The following DPY19L2 variants were observed in gnomAD, a reference collection of about 807,000 sequenced individuals.
The protein encoded by DPY19L2 is dpy-19 like 2, also known as probable C-mannosyltransferase DPY19L2.
In DPY19L2, 34 loss-of-function variants were observed where a neutral mutation model predicts 97.9. The ratio of observed to expected loss-of-function variants is 0.35; its 90% confidence interval spans 0.26 to 0.46. The LOEUF is 0.46. Among genes scored for constraint, DPY19L2 ranks in the 20% least tolerant of loss-of-function variants. The pLI is 1.00. For missense variants in DPY19L2, 623 were observed against 911.4 expected (o/e 0.68, Z 4.07); for synonymous variants, 230 against 307.9 (o/e 0.75, Z 2.65).
chr12:63,562,095 T>C (rs1442181475), intron 21 of DPY19L2, among the ~76,000 whole-genome samples: 6 of 152,164 alleles, frequency 3.9e-5, no homozygotes, highest in Admixed American at 6.5e-5. Context: ...CAGATTTTTT[T>C]AGCAGATGTA....
chr12:63,656,725 A>G (rs1259539922), intron 4 of DPY19L2, among the ~76,000 whole-genome samples: 1 of 152,026 alleles, frequency 6.6e-6, no homozygotes, highest in East Asian at 1.9e-4. Context: ...TAGATGTTCT[A>G]TCATTTCCTT....
intron 12 of DPY19L2, among the ~76,000 whole-genome samples, chr12:63,607,199 C>T (rs757615118): frequency 1.1e-4 from 17 of 152,032 alleles, no homozygotes; most frequent in Non-Finnish European, 1.9e-4. Context: ...AGTTAATTTT[C>T]CTTTGAGTGC....
chr12:63,659,547 G>A (rs1294969718), intron 4 of DPY19L2, among the ~76,000 whole-genome samples: 1 of 151,368 alleles, frequency 6.6e-6, no homozygotes, highest in Non-Finnish European at 1.5e-5. Flanking sequence ...AAAGGAAAAA[G>A]GTAGAGAACT....
At chr12:63,583,710 C>G (rs923291969) in intron 17 of DPY19L2, 102 bp downstream of exon 17, 26 of 1,100,488 alleles carry the variant, frequency 2.4e-5, no homozygotes, top group Non-Finnish European at 3.5e-5. Context: ...CTGAACAACT[C>G]ACTACTGAAG....
At chr12:63,664,480 T>C (rs1896089835) in intron 2 of DPY19L2, among the ~76,000 whole-genome samples, 1 of 152,138 alleles carries the variant, frequency 6.6e-6, no homozygotes, top group African/African-American at 2.4e-5. Flanking sequence ...GTGATTCTAA[T>C]GTACTGGCCT....
At chr12:63,665,472 C>CAA (rs760781422) in intron 2 of DPY19L2, among the ~76,000 whole-genome samples, 15,379 of 94,340 alleles carry the variant, frequency 0.16, 938 homozygotes, top group East Asian at 0.34. Context: ...GACTCTGTCT[C>CAA]AAAAAAAAAA....
intron 19 of DPY19L2, among the ~76,000 whole-genome samples, chr12:63,579,881 G>A (rs1333843870): frequency 6.6e-6 from 1 of 152,042 alleles, no homozygotes; most frequent in African/African-American, 2.4e-5. Context: ...GAAATAAAAG[G>A]AAACAAGCTC....
Position 63,598,041 on chromosome 12 carries a change from T to C in DPY19L2, c.1360-131A>G, listed in dbSNP as rs7303872. 0.41 allele frequency: 249,259 copies of C among 600,976 alleles called. 52,145 individuals are homozygous for C. The highest frequency in any genetic ancestry group is 0.49 in the East Asian group (13,830 of 27,944). The allele number at this position is 600,976 out of a possible 1,614,324, so 37.2% of individuals were successfully genotyped here. Reference sequence around the variant, plus strand: ...AATCCAATATATTTAGACATCCCTCTAAGAAAACAAAAAACTACAGTGAAC... The same window carrying C: ...AATCCAATATATTTAGACATCCCTCCAAGAAAACAAAAAACTACAGTGAAC... On this transcript the variant is annotated intron_variant, in intron 13 of 21. Coordinates refer to ENST00000324472, the MANE Select transcript of DPY19L2 (RefSeq NM_173812.5).
At chr12:63,623,509 G>A (rs4044647) in intron 8 of DPY19L2, among the ~76,000 whole-genome samples, 59,766 of 150,828 alleles carry the variant, frequency 0.4, 11,859 homozygotes, top group South Asian at 0.46. Context: ...ATATACAAAC[G>A]CATACCTTTT....
At chr12:63,582,621 T>A in intron 17 of DPY19L2, 96 bp from the exon 18 acceptor site, 2 of 1,289,646 alleles carry the variant, frequency 1.6e-6, no homozygotes, top group Non-Finnish European at 2.1e-6. Context: ...AAGACAAGGA[T>A]CTTCTAACTT....
At chr12:63,628,238 G>A (rs1022122928) in intron 6 of DPY19L2, among the ~76,000 whole-genome samples, 3 of 152,130 alleles carry the variant, frequency 2.0e-5, no homozygotes, top group Non-Finnish European at 4.4e-5. Context: ...TGGGTGCAGC[G>A]CACCGAGCAT....
intron 16 of DPY19L2, among the ~76,000 whole-genome samples, chr12:63,589,644 A>T (rs981474798): frequency 2.0e-5 from 3 of 152,024 alleles, no homozygotes; most frequent in South Asian, 2.1e-4. Flanking sequence ...ATGAAAAAAA[A>T]TTTTCATGTT....
rs1403678548 is a variant in DPY19L2 at position 63,583,264 on chromosome 12, T to TAAA, written c.1605+545_1605+547dup. Among the ~76,000 whole-genome samples, 14 of 152,338 alleles carry TAAA rather than the reference T, an allele frequency of 9.2e-5. 1 individual carries two copies. The highest frequency in any genetic ancestry group is 2.6e-4 in the Admixed American group (4 of 15,302). ...GTTGACCTTTACCTCAAGACCCACT[T>TAAA]AAAGTTCTATCAAATAGGAAATATT... On this transcript the variant is annotated intron_variant, in intron 17 of 21. Transcript: ENST00000324472.
In DPY19L2 at chr12:63,569,710, A is replaced by G. The variant is rs575448057; in HGVS notation, c.2001-361T>C. Among the ~76,000 whole-genome samples, 6 of 152,288 alleles carry G rather than the reference A, an allele frequency of 3.9e-5. No homozygotes were observed. The East Asian group carries it at 9.6e-4, about 24-fold the overall frequency. On this transcript the variant is annotated intron_variant, in intron 20 of 21. Coordinates refer to ENST00000324472, the MANE Select transcript of DPY19L2 (RefSeq NM_173812.5). The stretch of plus-strand genomic sequence containing the variant: ...AATGTAGTGAAAAACACATCTTTCA[A>G]TGCTTAATTTCATCTAAAGAAGCTC...
At chr12:63,628,846 C>T (rs575034761) in intron 6 of DPY19L2, among the ~76,000 whole-genome samples, 24 of 151,082 alleles carry the variant, frequency 1.6e-4, no homozygotes, top group East Asian at 1.6e-3. Flanking sequence ...CTCACACAGC[C>T]GGGTACTCCT....
At chr12:63,663,935 C>CA in intron 2 of DPY19L2, 90 bp from the exon 3 acceptor site, 2 of 834,232 alleles carry the variant, frequency 2.4e-6, no homozygotes, top group Non-Finnish European at 3.7e-6. Context: ...AAAAAGAAAA[C>CA]AATAAATTGT....
chr12:63,581,479 C>CTTTTTT (rs71086686), intron 18 of DPY19L2, among the ~76,000 whole-genome samples: 7 of 91,830 alleles, frequency 7.6e-5, no homozygotes, highest in Admixed American at 1.5e-4. Context: ...CCAGGAAACT[C>CTTTTTT]TTTTTTTTTT....
chr12:63,597,897 T>C lies in DPY19L2; in HGVS notation c.1373A>G (p.Asp458Gly). ...LGVSDHIRLS[D>G]LIAARILRYT... is the part of the protein sequence containing the mutation. ...CCTTAAGATTCTGGCTGCTATAAGA[T>C]CACTCAGGCGAATCTGGGAGAAAAT... Residue 458 changes from aspartate (D) to glycine (G), a missense_variant, in exon 14 of 22, where the codon GAT becomes GGT. By Grantham distance (94) the Asp-to-Gly change is moderately conservative. Around this residue, in one of 6 missense-constraint regions of DPY19L2, gnomAD observed 294 missense variants for 446.2 expected, o/e 0.66. Transcript: ENST00000324472. 1 of 1,600,020 alleles carries C rather than the reference T, an allele frequency of 6.2e-7. No individual in the cohort carries two copies. Among genetic ancestry groups the C allele is most frequent in the South Asian group, 1.1e-5 (1 of 87,704 alleles).
rs1896539980 is a variant in DPY19L2, at chr12:63,668,063, C to G, written c.331G>C (p.Gly111Arg). 2.5e-6 allele frequency: 4 copies of G among 1,613,498 alleles called. No homozygotes were observed. The highest frequency in any genetic ancestry group is 1.3e-5 in the African/African-American group (1 of 74,920). The change falls in exon 1 of 22, where the codon GGC becomes CGC. Residue 111 changes from glycine (G) to arginine (R), a missense_variant. Physicochemically the swap from Gly to Arg is moderately radical, Grantham distance 125. This residue lies in a region of DPY19L2 where 84 missense variants were observed against 125.4 expected (regional missense o/e 0.67). Coordinates refer to ENST00000324472, the MANE Select transcript of DPY19L2 (RefSeq NM_173812.5). ...ARRFSSRTTL[G>R]IAVFVAILHW... Reference sequence around the variant, plus strand: ...TCTCCTGCCCTCTCCTCACCGATGCCGAGAGTGGTTCTGCTGGAGAACCGC... The same window carrying G: ...TCTCCTGCCCTCTCCTCACCGATGCGGAGAGTGGTTCTGCTGGAGAACCGC...
Sources: gnomAD v4.1 joint callset for allele counts (sites outside exome capture counted in the v4.1 genomes callset) on GRCh38, gnomAD v4.1.1 for gene constraint, gnomAD v4.1.1 regional missense constraint, MANE v1.5 for transcripts, NCBI Gene and HGNC (gene_info 2026-07-23, HGNC 2026-07-21) for gene names.